PARD3B: variants seen among roughly 807,000 people sequenced by gnomAD.
PARD3B encodes the protein par-3 family cell polarity regulator beta.
Under a neutral mutation model 130.2 loss-of-function variants are expected in PARD3B, and 103 were observed. The observed-to-expected ratio is 0.79, with a 90% CI of 0.67 to 0.93. PARD3B has a LOEUF of 0.93. Ranked by LOEUF, PARD3B falls within the 40% of genes least tolerant of loss-of-function variation. PARD3B has a pLI of 0.00. For synonymous variants in PARD3B, 583 were observed against 553.2 expected, an observed-to-expected ratio of 1.05 and a Z score of -0.76; for missense variants, 1,609 against 1,499.2, an observed-to-expected ratio of 1.07 and a Z score of -1.21.
At chr2:204,988,011 AAGAG>A (rs1226602335) in intron 3 of PARD3B, among the ~76,000 whole-genome samples, 10 of 151,130 alleles carry the variant, frequency 6.6e-5, no homozygotes, top group African/African-American at 1.5e-4. Flanking sequence ...AATATGGCAA[AAGAG>A]AGAGAGAGAG....
intron 16 of PARD3B, among the ~76,000 whole-genome samples, chr2:205,248,210 T>A (rs1007266176): frequency 2.0e-5 from 3 of 152,178 alleles, no homozygotes; most frequent in African/African-American, 7.2e-5. Flanking sequence ...CCTAAAGTGC[T>A]GGGATTACAG....
Position 204,678,655 on chromosome 2 carries a change from T to C in PARD3B, c.121-7526T>C, listed in dbSNP as rs2036671688. The stretch of plus-strand genomic sequence containing the variant: ...CTGATGCGCAGTTGCTTCTAGTCTC[T>C]GATGCGCAGTTGCTTCTCCTCTCGA... On this transcript the variant is annotated intron_variant, in intron 1 of 22. Coordinates refer to ENST00000406610, the MANE Select transcript of PARD3B (RefSeq NM_001302769.2). This position sits in a 1 kb window ranked among gnomAD's most constrained non-coding sequence, Gnocchi z 4.2. Among the ~76,000 whole-genome samples the C allele has an allele frequency of 6.6e-6, 1 of 152,090 alleles. No homozygotes were observed. The highest frequency in any genetic ancestry group is 1.5e-5 in the Non-Finnish European group (1 of 68,004).
chr2:204,763,724 A>G (rs191465937), intron 2 of PARD3B, among the ~76,000 whole-genome samples: 1 of 152,328 alleles, frequency 6.6e-6, no homozygotes, highest in African/African-American at 2.4e-5. Context: ...GTGGAGCACT[A>G]TCAAGGATAA....
intron 2 of PARD3B, among the ~76,000 whole-genome samples, chr2:204,852,042 T>C (rs944737988): frequency 1.3e-5 from 2 of 152,156 alleles, no homozygotes; most frequent in Non-Finnish European, 2.9e-5. Flanking sequence ...AGTTTGGGTA[T>C]GAAATCACTA....
intron 21 of PARD3B, among the ~76,000 whole-genome samples, chr2:205,505,755 A>G (rs1487143459): frequency 1.6e-4 from 24 of 152,254 alleles, no homozygotes; most frequent in Non-Finnish European, 1.2e-4. Flanking sequence ...TAACAGCAGC[A>G]TGAATATCCT....
rs1168701595 is a variant in PARD3B at position 204,721,343 on chromosome 2, T to TC, written c.222+35067dup. 5.9e-5 allele frequency among the ~76,000 whole-genome samples: 9 copies of TC among 151,896 alleles called. No individual in the cohort carries two copies. In the South Asian group the frequency reaches 1.3e-3, roughly 21 times the overall value. On this transcript the variant is annotated intron_variant, in intron 2 of 22. Transcript: ENST00000406610. ...GGAACTACCTACAGGAGGCACATAC[T>TC]CCCCCCTGTAAGAGTCTAGGAGGTG... is the stretch of plus-strand genomic sequence containing the variant.
chr2:204,717,791 G>C (rs1329861291), intron 2 of PARD3B, among the ~76,000 whole-genome samples: 1 of 152,148 alleles, frequency 6.6e-6, no homozygotes, highest in East Asian at 1.9e-4. Context: ...GGTGGCATCT[G>C]TGCCTTGGAT....
At chr2:204,601,501 A>G (rs999967253) in intron 1 of PARD3B, among the ~76,000 whole-genome samples, 2 of 152,014 alleles carry the variant, frequency 1.3e-5, no homozygotes, top group Non-Finnish European at 2.9e-5. Context: ...TGATTATGGT[A>G]TGTGATATGA....
At chr2:204,981,023 ATAAAT>A (rs1362789229) in intron 3 of PARD3B, among the ~76,000 whole-genome samples, 3 of 152,244 alleles carry the variant, frequency 2.0e-5, no homozygotes, top group Non-Finnish European at 4.4e-5. Flanking sequence ...TTTGCAAGTT[ATAAAT>A]TAATTCAAAA....
chr2:205,275,634 G>C (rs1038068526), intron 16 of PARD3B, among the ~76,000 whole-genome samples: 1 of 151,778 alleles, frequency 6.6e-6, no homozygotes, highest in African/African-American at 2.4e-5. Context: ...TCAGAAGTTC[G>C]AGACCAGCCT....
At chr2:205,516,706 G>A (rs113149064) in intron 21 of PARD3B, among the ~76,000 whole-genome samples, 5,177 of 152,102 alleles carry the variant, frequency 0.034, 173 homozygotes, top group South Asian at 0.13. Context: ...AAATCATATC[G>A]TCTGCAAACA....
At chr2:204,620,042 C>G (rs978807812) in intron 1 of PARD3B, among the ~76,000 whole-genome samples, 13 of 152,120 alleles carry the variant, frequency 8.5e-5, no homozygotes, top group Non-Finnish European at 1.6e-4. Flanking sequence ...CGCTCTGTCA[C>G]CCAGGCTGGA....
rs972946424 is a variant in PARD3B, at chr2:205,564,542, T to C, written c.3260+11139T>C. On this transcript the variant is annotated intron_variant, in intron 22 of 22. Transcript: ENST00000406610. This position sits in a 1 kb window ranked among gnomAD's most constrained non-coding sequence, Gnocchi z 4.6. ...AGCAATTTTTGTAGCCAGGAAACTA[T>C]TGTTGGTTCTTTCACAGTGTAGTTC... Among the ~76,000 whole-genome samples the C allele has an allele frequency of 2.0e-4, 31 of 152,324 alleles. No homozygotes were observed. Among genetic ancestry groups the C allele is most frequent in the African/African-American group, 7.0e-4 (29 of 41,570 alleles).
intron 7 of PARD3B, among the ~76,000 whole-genome samples, chr2:205,119,739 G>A (rs982026782): frequency 1.3e-5 from 2 of 152,022 alleles, no homozygotes; most frequent in Admixed American, 6.6e-5. Flanking sequence ...CCGAGATCGC[G>A]CCTTTGCACT....
intron 20 of PARD3B, among the ~76,000 whole-genome samples, chr2:205,441,370 T>C (rs189073983): frequency 4.3e-4 from 66 of 152,276 alleles, no homozygotes; most frequent in African/African-American, 1.6e-3. Context: ...CTGCCAAAAG[T>C]AAAATGCTTC....
chr2:205,400,552 A>C (rs1416610745), intron 18 of PARD3B, among the ~76,000 whole-genome samples: 1 of 152,048 alleles, frequency 6.6e-6, no homozygotes, highest in Non-Finnish European at 1.5e-5. Flanking sequence ...GAGGCACGAG[A>C]ATCGCTTGAA....
intron 3 of PARD3B, among the ~76,000 whole-genome samples, chr2:205,005,211 T>C (rs1189687602): frequency 7.2e-5 from 11 of 151,780 alleles, no homozygotes; most frequent in Admixed American, 6.6e-4. Context: ...TATACACACA[T>C]GTACACAAAA....
In PARD3B at chr2:205,366,272, G is replaced by C. The variant is rs1286925464; in HGVS notation, c.2631-34741G>C. ...ACAGCCCATAGCGCTTTGTTTGAAG[G>C]AGTTAGAATTTTAAATTTTTCCTGA... On this transcript the variant is annotated intron_variant, in intron 18 of 22. Coordinates refer to ENST00000406610, the MANE Select transcript of PARD3B (RefSeq NM_001302769.2). This position sits in a 1 kb window ranked among gnomAD's most constrained non-coding sequence, Gnocchi z 5.0. 6.6e-6 allele frequency among the ~76,000 whole-genome samples: 1 copy of C among 152,152 alleles called. No individual in the cohort carries two copies. Among genetic ancestry groups the C allele is most frequent in the Non-Finnish European group, 1.5e-5 (1 of 68,016 alleles).
chr2:204,941,230 A>G (rs1688873262), intron 2 of PARD3B, among the ~76,000 whole-genome samples: 1 of 152,080 alleles, frequency 6.6e-6, no homozygotes, highest in African/African-American at 2.4e-5. Context: ...AAAAATTAGC[A>G]GGGCGTGGTG....
Sources: allele counts gnomAD v4.1 joint callset (sites outside exome capture counted in the v4.1 genomes callset), GRCh38; gene constraint gnomAD v4.1.1; non-coding constraint Gnocchi (gnomAD v3.1); transcripts MANE v1.5; gene names NCBI Gene and HGNC (gene_info 2026-07-23, HGNC 2026-07-21).